Variants in RIMS1 observed in about 807,000 individuals in gnomAD.
RIMS1 encodes the protein regulating synaptic membrane exocytosis 1, also known as regulating synaptic membrane exocytosis protein 1.
RIMS1 carries 83 observed loss-of-function variants against 214.1 expected under a neutral mutation model. That is an observed-to-expected ratio of 0.39 (90% CI 0.32 to 0.47). The LOEUF is 0.47. RIMS1 is among the 20% of genes least tolerant of loss of function. The probability of loss-of-function intolerance (pLI) is 0.99; values close to 1 mark genes in which losing one functional copy is unlikely to be tolerated. For synonymous variants in RIMS1, 793 were observed against 786.8 expected, an observed-to-expected ratio of 1.01 and a Z score of -0.13; for missense variants, 2,050 against 2,161.8, an observed-to-expected ratio of 0.95 and a Z score of 1.03.
At chr6:72,336,189 C>G (rs1030474098) in intron 29 of RIMS1, among the ~76,000 whole-genome samples, 1 of 151,762 alleles carries the variant, frequency 6.6e-6, no homozygotes, top group African/African-American at 2.4e-5. Flanking sequence ...CTTTTTCTCT[C>G]TCTTCTCCCT....
intron 28 of RIMS1, among the ~76,000 whole-genome samples, chr6:72,325,901 T>C (rs1179551719): frequency 4.0e-5 from 6 of 151,860 alleles, no homozygotes; most frequent in Non-Finnish European, 8.8e-5. Flanking sequence ...CCTTGATTAT[T>C]AATCACCAGT....
At chr6:71,904,435 G>A (rs1201612439) in intron 1 of RIMS1, among the ~76,000 whole-genome samples, 3 of 152,114 alleles carry the variant, frequency 2.0e-5, no homozygotes, top group Non-Finnish European at 4.4e-5. Flanking sequence ...GCTTTGACCA[G>A]TCACTGGATT....
At chr6:72,381,915 T>C (rs1270656210) in intron 29 of RIMS1, among the ~76,000 whole-genome samples, 1 of 152,218 alleles carries the variant, frequency 6.6e-6, no homozygotes, top group Non-Finnish European at 1.5e-5. Context: ...ATAAAACATT[T>C]TATATCTTTT....
intron 4 of RIMS1, among the ~76,000 whole-genome samples, chr6:72,111,513 TATA>T (rs1420721939): frequency 6.6e-6 from 1 of 152,216 alleles, no homozygotes; most frequent in Non-Finnish European, 1.5e-5. Flanking sequence ...TGTAATACTG[TATA>T]ATATGGCTGT....
At chr6:72,137,391 T>C (rs554336911) in intron 4 of RIMS1, among the ~76,000 whole-genome samples, 18 of 152,214 alleles carry the variant, frequency 1.2e-4, no homozygotes, top group African/African-American at 4.1e-4. Context: ...GTGAACATGA[T>C]ACATATAAAT....
intron 4 of RIMS1, among the ~76,000 whole-genome samples, chr6:72,129,300 A>G (rs1186436379): frequency 6.6e-6 from 1 of 152,206 alleles, no homozygotes; most frequent in Non-Finnish European, 1.5e-5. Flanking sequence ...GTCAAATGGC[A>G]TATACATTTC....
intron 6 of RIMS1, among the ~76,000 whole-genome samples, chr6:72,183,708 T>G (rs574742233): frequency 7.9e-5 from 12 of 152,256 alleles, no homozygotes; most frequent in African/African-American, 2.9e-4. Context: ...ACTGGATTTT[T>G]TTTTTGAGAA....
intron 20 of RIMS1, 84 bp downstream of exon 20, chr6:72,265,136 A>C: frequency 1.3e-6 from 1 of 754,490 alleles, no homozygotes; most frequent in Non-Finnish European, 2.1e-6. Context: ...TTCACATTCT[A>C]ATAAAATATT....
chr6:72,045,965 G>A (rs944087770), intron 2 of RIMS1, among the ~76,000 whole-genome samples: 1 of 150,962 alleles, frequency 6.6e-6, no homozygotes, highest in Non-Finnish European at 1.5e-5. Context: ...TATTTTTAAT[G>A]TTTTGATAAC....
chr6:71,898,282 T>A (rs953540318), intron 1 of RIMS1, among the ~76,000 whole-genome samples: 3 of 152,188 alleles, frequency 2.0e-5, no homozygotes, highest in Non-Finnish European at 4.4e-5. Context: ...TGATTTGATA[T>A]TTAGAATTAG....
chr6:72,187,692 C>G (rs983489822), intron 6 of RIMS1, among the ~76,000 whole-genome samples: 1 of 151,956 alleles, frequency 6.6e-6, no homozygotes, highest in Non-Finnish European at 1.5e-5. Flanking sequence ...CAGGATTTCA[C>G]CATGTTGGTC....
intron 4 of RIMS1, among the ~76,000 whole-genome samples, chr6:72,145,421 G>T (rs1024174821): frequency 6.6e-6 from 1 of 152,064 alleles, no homozygotes; most frequent in Non-Finnish European, 1.5e-5. Context: ...AAGTCCACCT[G>T]GTCAACATGG....
chr6:72,108,016 G>C (rs189538869), intron 4 of RIMS1, among the ~76,000 whole-genome samples: 1 of 151,894 alleles, frequency 6.6e-6, no homozygotes, highest in Non-Finnish European at 1.5e-5. Context: ...GTTTTGTTTT[G>C]TTTTATTGTG....
At chr6:72,062,478 G>GT (rs1279046963) in intron 2 of RIMS1, among the ~76,000 whole-genome samples, 2 of 151,926 alleles carry the variant, frequency 1.3e-5, no homozygotes, top group Admixed American at 6.6e-5. Context: ...CAGAAACCCC[G>GT]TTTTTTCTAA....
chr6:72,052,994 A>G (rs1825141708), intron 2 of RIMS1, among the ~76,000 whole-genome samples: 1 of 152,154 alleles, frequency 6.6e-6, no homozygotes, highest in African/African-American at 2.4e-5. Context: ...TAACCCATTT[A>G]CTAGCTGGAG....
chr6:72,358,235 T>C (rs975756595), intron 29 of RIMS1, among the ~76,000 whole-genome samples: 1 of 152,166 alleles, frequency 6.6e-6, no homozygotes, highest in South Asian at 2.1e-4. Context: ...AAAATATAAT[T>C]AAAGACTATG....
At chr6:72,217,188 T>G in intron 6 of RIMS1, 1 of 1,536,882 alleles carries the variant, frequency 6.5e-7, no homozygotes, top group Non-Finnish European at 8.7e-7. Context: ...ATGCTGCTGT[T>G]ATGTTTGCTG....
In RIMS1 at chr6:72,307,366, C is replaced by G; in HGVS notation, c.3959C>G (p.Ser1320Cys). Residue 1320 changes from serine to cysteine, a missense_variant, in exon 27 of 34, where the codon TCC becomes TGC. Physicochemically the swap from Ser to Cys is moderately radical, Grantham distance 112. Coordinates refer to ENST00000521978, the MANE Select transcript of RIMS1 (RefSeq NM_014989.7). ...SSQELDREQYSKYNIHKDQYR... is the reference protein window; with the variant it reads ...SSQELDREQYCKYNIHKDQYR... ...CAAGAACTTGATCGCGAGCAATATTCCAAGGTAAAATTAGTAGTATCCAAC... is the reference window on the plus strand; with the variant it reads ...CAAGAACTTGATCGCGAGCAATATTGCAAGGTAAAATTAGTAGTATCCAAC... The G allele has an allele frequency of 6.3e-7, 1 of 1,583,690 alleles. No homozygotes were observed.
intron 29 of RIMS1, among the ~76,000 whole-genome samples, chr6:72,377,693 A>T (rs945084113): frequency 6.6e-6 from 1 of 152,166 alleles, no homozygotes; most frequent in African/African-American, 2.4e-5. Context: ...CATCTTTGTG[A>T]ATTTTTATTT....
Sources: gnomAD v4.1 joint callset for allele counts (sites outside exome capture counted in the v4.1 genomes callset) on GRCh38, gnomAD v4.1.1 for gene constraint, MANE v1.5 for transcripts, NCBI Gene and HGNC (gene_info 2026-07-23, HGNC 2026-07-21) for gene names.